TOP3B: variants seen among roughly 807,000 people sequenced by gnomAD.
TOP3B encodes the protein DNA topoisomerase 3-beta-1.
Under a neutral mutation model 93.9 loss-of-function variants are expected in TOP3B, and 45 were observed. The observed-to-expected ratio is 0.48, with a 90% CI of 0.38 to 0.61. The LOEUF is 0.61. Among genes scored for constraint, TOP3B ranks in the 20% least tolerant of loss-of-function variants. The pLI is 0.00. For missense variants in TOP3B, 750 were observed against 1,156.1 expected (o/e 0.65, Z 5.09); for synonymous variants, 357 against 472.6 (o/e 0.76, Z 3.17).
chr22:21,975,728 A>T lies in TOP3B; in HGVS notation c.-19T>A. ...TCTTCATTTTGTCTCGGTCCTTCAC[A>T]CTCCAGTTTCGGGGCACTGGCAATG... On this transcript the variant is annotated 5_prime_UTR_variant, in exon 2 of 18. Transcript: ENST00000357179. 2 of 1,597,654 alleles carry T rather than the reference A, an allele frequency of 1.3e-6. No homozygotes were observed. Among genetic ancestry groups the T allele is most frequent in the Non-Finnish European group, 1.7e-6 (2 of 1,168,510 alleles).
chr22:21,962,850 G>T lies in TOP3B; in HGVS notation c.1248C>A (p.Phe416Leu), dbSNP rs1171144438. Residue 416 changes from phenylalanine to leucine, a missense_variant, in exon 12 of 18, where the codon TTC (phenylalanine) becomes TTA (leucine). Coordinates refer to ENST00000357179, the MANE Select transcript of TOP3B (RefSeq NM_001282112.2). ...TGCAGTCATGGCTGACCGTGGCGAT[G>T]AAGTGTCTGGTGATGTACTCATAGA... ...WRLYEYITRH[F>L]IATVSHDCKY... 1 of 1,614,058 alleles carries T rather than the reference G, an allele frequency of 6.2e-7. No individual in the cohort carries two copies.
rs891592123 is a variant in TOP3B at position 21,963,705 on chromosome 22, C to A, written c.1204+218G>T. 1.9e-5 allele frequency: 11 copies of A among 576,122 alleles called. No homozygotes were observed. In the African/African-American group the frequency reaches 2.1e-4, roughly 11 times the overall value. The allele number at this position is 576,122 out of a possible 1,614,324, so 35.7% of individuals were successfully genotyped here. Reference sequence around the variant, plus strand: ...CATTCATGTCCCCTGTGGCGTCTGCCCCCTTGCCTCCCTGCAACAGCACCT... The same window carrying A: ...CATTCATGTCCCCTGTGGCGTCTGCACCCTTGCCTCCCTGCAACAGCACCT... On this transcript the variant is annotated intron_variant, in intron 11 of 17. Transcript: ENST00000357179. This position sits in a 1 kb window ranked among gnomAD's most constrained non-coding sequence, Gnocchi z 4.8.
intron 1 of TOP3B, chr22:21,976,781 T>C (rs1432528829): frequency 6.6e-6 from 1 of 152,180 alleles, no homozygotes; most frequent in African/African-American, 2.4e-5. Context: ...GAAAACCACA[T>C]GAACCCTTTT....
At chr22:21,965,443 G>A (rs1423952929) in intron 8 of TOP3B, 68 bp from the exon 9 acceptor site, 16 of 1,012,238 alleles carry the variant, frequency 1.6e-5, no homozygotes, top group Admixed American at 2.5e-5. Context: ...ATCAAGATGT[G>A]TGGACGAAGG....
intron 3 of TOP3B, chr22:21,973,282 C>T (rs1406961353): frequency 1.3e-5 from 2 of 158,918 alleles, no homozygotes; most frequent in Admixed American, 5.9e-5. Context: ...GGCCCCATTT[C>T]TTTTTTTTTC....
Position 21,959,116 on chromosome 22 carries a change from T to C in TOP3B, c.1905+16A>G, listed in dbSNP as rs192483285. On this transcript the variant is annotated intron_variant, in intron 16 of 17. Coordinates refer to ENST00000357179, the MANE Select transcript of TOP3B (RefSeq NM_001282112.2). Reference sequence around the variant, plus strand: ...GGGTGAGGCAGCTTGCCTGAGCTAGTGTTCCCTGCACCTACCTGGATGTAC... The same window carrying C: ...GGGTGAGGCAGCTTGCCTGAGCTAGCGTTCCCTGCACCTACCTGGATGTAC... 5.3e-5 allele frequency: 86 copies of C among 1,613,090 alleles called. No individual in the cohort carries two copies. Among genetic ancestry groups the C allele is most frequent in the Non-Finnish European group, 7.0e-5 (83 of 1,179,596 alleles).
Position 21,971,746 on chromosome 22 carries a change from G to A in TOP3B, c.384+131C>T, listed in dbSNP as rs542867468. On this transcript the variant is annotated intron_variant, in intron 5 of 17. Coordinates refer to ENST00000357179, the MANE Select transcript of TOP3B (RefSeq NM_001282112.2). This position sits in a 1 kb window ranked among gnomAD's most constrained non-coding sequence, Gnocchi z 4.6. ...GGAGTTTCAGAATAAAGGGAGGGGA[G>A]AGGTGTTTTTAAACCGGTACAGTTT... 8.8e-5 allele frequency: 67 copies of A among 763,848 alleles called. 2 individuals are homozygous for A. The South Asian group carries it at 9.2e-4, about 10-fold the overall frequency. 47.3% of individuals were successfully genotyped at this position (763,848 alleles called of 1,614,324 possible).
Position 21,971,287 on chromosome 22 carries a change from C to G in TOP3B, c.384+590G>C. ...TGGGGGTACAGGAGCACGGGGGCGA[C>G]CCATAGAACAACAGTCTGAAGGGCA... is the stretch of plus-strand genomic sequence containing the variant. On this transcript the variant is annotated intron_variant, in intron 5 of 17. Coordinates refer to ENST00000357179, the MANE Select transcript of TOP3B (RefSeq NM_001282112.2). The surrounding 1 kb of genome is among the most constrained non-coding windows in gnomAD (Gnocchi z 4.6). 1 of 250,792 alleles carries G rather than the reference C, an allele frequency of 4.0e-6. No homozygotes were observed. Among genetic ancestry groups the G allele is most frequent in the Non-Finnish European group, 7.5e-6 (1 of 132,700 alleles). The allele number at this position is 250,792 out of a possible 1,614,324, so 15.5% of individuals were successfully genotyped here.
intron 1 of TOP3B, chr22:21,982,424 G>A (rs2084652466): frequency 6.6e-6 from 1 of 152,342 alleles, no homozygotes; most frequent in Admixed American, 6.5e-5. Flanking sequence ...CTGTGAGACT[G>A]GTACAGCAGA....
At chr22:21,960,160 G>T in intron 14 of TOP3B, 161 bp downstream of exon 14, 1 of 1,105,356 alleles carries the variant, frequency 9.0e-7, no homozygotes, top group Admixed American at 2.0e-5. Flanking sequence ...AGGTCCTGGG[G>T]GTCCTGGGGC....
At chr22:21,964,414 C>T (rs925573460) in intron 9 of TOP3B, 99 bp from the exon 10 acceptor site, 2 of 1,453,958 alleles carry the variant, frequency 1.4e-6, no homozygotes, top group East Asian at 2.3e-5. Context: ...TGGCCGGCCC[C>T]TCCTGGAGGG....
intron 3 of TOP3B, chr22:21,973,126 C>T (rs2071712893): frequency 7.3e-5 from 21 of 289,402 alleles, no homozygotes; most frequent in South Asian, 6.4e-4. Flanking sequence ...GGAACTTTGT[C>T]CTTCCACCCA....
At chr22:21,979,030 G>T (rs987480351) in intron 1 of TOP3B, among the ~76,000 whole-genome samples, 1 of 152,138 alleles carries the variant, frequency 6.6e-6, no homozygotes, top group African/African-American at 2.4e-5. Context: ...CACTTCTCTT[G>T]GTGGAGGAGG....
intron 3 of TOP3B, chr22:21,973,261 GCTTT>G (rs1261166829): frequency 6.3e-6 from 1 of 159,730 alleles, no homozygotes; most frequent in African/African-American, 2.4e-5. Context: ...CAGCTGTCTG[GCTTT>G]CTTTTAGGCC....
intron 1 of TOP3B, among the ~76,000 whole-genome samples, chr22:21,980,035 G>A (rs940673418): frequency 2.0e-5 from 3 of 151,434 alleles, no homozygotes; most frequent in South Asian, 2.1e-4. Context: ...ACATACTAAC[G>A]TGGATCAGAT....
At position 21,970,561 on chromosome 22, in the gene TOP3B, C is replaced by A; in HGVS notation, c.385-155G>T. On this transcript the variant is annotated intron_variant, in intron 5 of 17. Coordinates refer to ENST00000357179, the MANE Select transcript of TOP3B (RefSeq NM_001282112.2). This position sits in a 1 kb window ranked among gnomAD's most constrained non-coding sequence, Gnocchi z 4.4. ...ACCCTCCTCTATCCCCTTTCCTGCA[C>A]CTGCCAGACCCTCCTCTATCCCCCT... 1 of 724,872 alleles carries A rather than the reference C, an allele frequency of 1.4e-6. No individual in the cohort carries two copies. Among genetic ancestry groups the A allele is most frequent in the Non-Finnish European group, 2.2e-6 (1 of 446,780 alleles). The allele number at this position is 724,872 out of a possible 1,614,324, so 44.9% of individuals were successfully genotyped here.
Position 21,959,731 on chromosome 22 carries a change from C to A in TOP3B, c.1660G>T (p.Glu554Ter), listed in dbSNP as rs377631933. ...CTGCGGATGGTGGGGAGCACCAGCT[C>A]TGCATCTGCAAGTGGGCAGGGGGCA... ...LVHGYYKIDA[E>*]LVLPTIRSAV... Residue 554 changes from glutamate (E) to a stop codon, truncating the protein, a stop_gained, in exon 15 of 18, where the codon GAG becomes TAG. Transcript: ENST00000357179. LOFTEE classifies it high-confidence loss of function. The A allele has an allele frequency of 6.8e-6, 11 of 1,612,516 alleles. No individual in the cohort carries two copies. The highest frequency in any genetic ancestry group is 2.2e-5 in the East Asian group (1 of 44,896).
Position 21,963,008 on chromosome 22 carries a change from C to A in TOP3B, c.1205-115G>T, listed in dbSNP as rs1294496182. 1.0e-5 allele frequency: 13 copies of A among 1,283,246 alleles called. No individual in the cohort carries two copies. Among genetic ancestry groups the A allele is most frequent in the African/African-American group, 4.5e-5 (3 of 67,388 alleles). 79.5% of individuals were successfully genotyped at this position (1,283,246 alleles called of 1,614,324 possible). A position where few individuals can be genotyped will look rare whatever the true frequency, so the allele number is the denominator to read the frequency against. ...CTGCTTACAGAGCCGCTGTGCAGGA[C>A]ACACTGCAAATCCTGGGGAAGGAGG... On this transcript the variant is annotated intron_variant, in intron 11 of 17. Transcript: ENST00000357179. This position sits in a 1 kb window ranked among gnomAD's most constrained non-coding sequence, Gnocchi z 4.8.
rs2071515851 is a variant in TOP3B, at chr22:21,968,789, A to T, written c.582-14T>A. 1 of 1,613,936 alleles carries T rather than the reference A, an allele frequency of 6.2e-7. No individual in the cohort carries two copies. Among genetic ancestry groups the T allele is most frequent in the Admixed American group, 1.7e-5 (1 of 60,006 alleles). Reference sequence around the variant, plus strand: ...TTAGTCTGAAACCTGGAGGGAGTGGAAAGATATTTTGGTCACTGATTCACT... The same window carrying T: ...TTAGTCTGAAACCTGGAGGGAGTGGTAAGATATTTTGGTCACTGATTCACT... On this transcript the variant is annotated splice_polypyrimidine_tract_variant and intron_variant, in intron 6 of 17. Coordinates refer to ENST00000357179, the MANE Select transcript of TOP3B (RefSeq NM_001282112.2).
Sources: allele counts gnomAD v4.1 joint callset (sites outside exome capture counted in the v4.1 genomes callset), GRCh38; gene constraint gnomAD v4.1.1; non-coding constraint Gnocchi (gnomAD v3.1); transcripts MANE v1.5; gene names NCBI Gene and HGNC (gene_info 2026-07-23, HGNC 2026-07-21).